The following TG variants were observed in gnomAD, a reference collection of about 807,000 sequenced individuals.
TG encodes the protein thyroglobulin.
A neutral mutation model predicts 324.7 loss-of-function variants in TG; 270 were observed. That is an observed-to-expected ratio of 0.83 (90% confidence interval 0.75 to 0.92). The LOEUF (loss-of-function observed/expected upper bound fraction) is 0.92, where lower values mean the gene tolerates loss of function less well. TG is among the 40% of genes least tolerant of loss of function. TG has a pLI of 0.00. For synonymous variants in TG, 1,401 were observed against 1,327.0 expected (o/e 1.06, Z -1.21); for missense variants, 3,591 against 3,456.4 (o/e 1.04, Z -0.98).
intron 35 of TG, 62 bp from the exon 36 acceptor site, chr8:133,011,839 G>T: frequency 6.2e-7 from 1 of 1,612,180 alleles, no homozygotes; most frequent in South Asian, 1.1e-5. Context: ...GGTAATACAC[G>T]GCTGTCTTTG....
intron 40 of TG, among the ~76,000 whole-genome samples, chr8:133,024,102 T>C (rs1027077334): frequency 6.6e-6 from 1 of 152,252 alleles, no homozygotes; most frequent in African/African-American, 2.4e-5. Flanking sequence ...ATTTCACAGA[T>C]GGGTCAGCGG....
intron 41 of TG, among the ~76,000 whole-genome samples, chr8:133,080,845 T>C (rs1033245946): frequency 1.3e-5 from 2 of 152,214 alleles, no homozygotes; most frequent in African/African-American, 4.8e-5. Context: ...GCAGGTCCCT[T>C]CAGGCCCAAC....
intron 45 of TG, among the ~76,000 whole-genome samples, chr8:133,124,130 G>A (rs1438005235): frequency 6.6e-6 from 1 of 152,254 alleles, no homozygotes; most frequent in African/African-American, 2.4e-5. Context: ...GGACATGGAA[G>A]CCTCTCATCT....
rs1279432490 is a variant in TG, at chr8:133,094,971, C to CCT, written c.7240-73_7240-72insCT. The CCT allele has an allele frequency of 1.8e-3, 2,896 of 1,600,590 alleles. 4 individuals carry two copies. The highest frequency in any genetic ancestry group is 3.4e-3 in the South Asian group (306 of 90,554). Reference sequence around the variant, plus strand: ...GGAAGGATGCAGAACCCTGATGTGGCACTGAGGACTCCAGGTGAGCAGGGG... The same window carrying CCT: ...GGAAGGATGCAGAACCCTGATGTGGCCTACTGAGGACTCCAGGTGAGCAGGGG... On this transcript the variant is annotated intron_variant, in intron 41 of 47. Coordinates refer to ENST00000220616, the MANE Select transcript of TG (RefSeq NM_003235.5).
At chr8:132,873,828 C>G (rs1418815957) in intron 5 of TG, among the ~76,000 whole-genome samples, 1 of 152,108 alleles carries the variant, frequency 6.6e-6, no homozygotes, top group Non-Finnish European at 1.5e-5. Context: ...GCATAAAGTG[C>G]ATGGTTATCC....
At chr8:132,997,419 G>A (rs541660419) in intron 35 of TG, among the ~76,000 whole-genome samples, 4 of 152,296 alleles carry the variant, frequency 2.6e-5, no homozygotes, top group East Asian at 1.9e-4. Context: ...TCATTAGCAT[G>A]TCAGTGGTAT....
chr8:132,971,995 G>A (rs774713609), intron 33 of TG, 122 bp downstream of exon 33: 9 of 787,176 alleles, frequency 1.1e-5, no homozygotes, highest in Non-Finnish European at 1.8e-5. Context: ...ATAAGGAAAT[G>A]GGGGCTTGGA....
chr8:132,897,597 G>A (rs1563925191), intron 11 of TG, 52 bp from the exon 12 acceptor site: 7 of 1,612,692 alleles, frequency 4.3e-6, no homozygotes, highest in South Asian at 3.3e-5. Context: ...CAGCTACAGA[G>A]CCCACACAGA....
chr8:133,034,991 C>T lies in TG; in HGVS notation c.7239+4968C>T, dbSNP rs193195502. On this transcript the variant is annotated intron_variant, in intron 41 of 47. Transcript: ENST00000220616. ...TTTTTATCACATTAGTCTACTTAAACAATGTTTTGCTTTTTAAAATCTTCT... is the reference window on the plus strand; with the variant it reads ...TTTTTATCACATTAGTCTACTTAAATAATGTTTTGCTTTTTAAAATCTTCT... Among the ~76,000 whole-genome samples, 3 of 152,330 alleles carry T rather than the reference C, an allele frequency of 2.0e-5. No homozygotes were observed. In the East Asian group the frequency reaches 5.8e-4, roughly 29 times the overall value.
At chr8:133,038,926 G>T (rs183334795) in intron 41 of TG, among the ~76,000 whole-genome samples, 7 of 152,134 alleles carry the variant, frequency 4.6e-5, no homozygotes, top group Non-Finnish European at 1.0e-4. Context: ...TGCCCAGGCT[G>T]GAGTGCAGTG....
At chr8:132,949,649 C>T (rs1036888251) in intron 27 of TG, among the ~76,000 whole-genome samples, 1 of 152,156 alleles carries the variant, frequency 6.6e-6, no homozygotes, top group Non-Finnish European at 1.5e-5. Flanking sequence ...GTGCAGGGGA[C>T]CATGGGCTCC....
At chr8:132,958,365 A>G (rs761912431) in intron 27 of TG, among the ~76,000 whole-genome samples, 6 of 8,702 alleles carry the variant, frequency 6.9e-4, no homozygotes, top group South Asian at 5.9e-3. Context: ...CTGTCTATCT[A>G]TCTATCTATC....
In TG at chr8:132,966,569, C is replaced by A; in HGVS notation, c.5558C>A (p.Thr1853Lys). The A allele has an allele frequency of 6.2e-7, 1 of 1,614,018 alleles. No homozygotes were observed. The highest frequency in any genetic ancestry group is 8.5e-7 in the Non-Finnish European group (1 of 1,180,002). ...CCTGCTTCTTTTTCAGGTTTGACAA[C>A]AGAACTTTTCTCCCCTGTGGACCTC... ...PASPTEAGLT[T>K]ELFSPVDLNQ... The change falls in exon 30 of 48, where the codon ACA becomes AAA. Residue 1853 changes from threonine to lysine, a missense_variant. By Grantham distance (78) the Thr-to-Lys change is moderately conservative. Transcript: ENST00000220616.
chr8:132,935,404 A>G (rs879772044), intron 24 of TG, among the ~76,000 whole-genome samples: 3 of 151,944 alleles, frequency 2.0e-5, no homozygotes, highest in Non-Finnish European at 2.9e-5. Flanking sequence ...TCGGCCTCCC[A>G]AAGTGCTGGG....
At chr8:133,054,404 C>G (rs1175549861) in intron 41 of TG, among the ~76,000 whole-genome samples, 1 of 152,206 alleles carries the variant, frequency 6.6e-6, no homozygotes, top group Non-Finnish European at 1.5e-5. Context: ...ACCTCCGCCA[C>G]TACACAGTGA....
At chr8:133,102,946 C>G in intron 43 of TG, 1 of 258,374 alleles carries the variant, frequency 3.9e-6, no homozygotes, top group Non-Finnish European at 7.8e-6. Context: ...AGTTGGAAAG[C>G]AGCACCTGGC....
intron 27 of TG, among the ~76,000 whole-genome samples, chr8:132,954,681 G>T (rs1021836139): frequency 1.3e-5 from 2 of 152,146 alleles, no homozygotes; most frequent in African/African-American, 4.8e-5. Flanking sequence ...AGAGCCCTGG[G>T]CATAGAACAG....
intron 2 of TG, 58 bp downstream of exon 2, chr8:132,868,281 G>C: frequency 6.7e-7 from 1 of 1,497,078 alleles, no homozygotes; most frequent in Admixed American, 1.7e-5. Flanking sequence ...AAAGCATCTT[G>C]TGCCTTCCCC....
Position 132,961,038 on chromosome 8 carries a change from C to G in TG, c.5432C>G (p.Thr1811Ser). Residue 1811 changes from threonine to serine, a missense_variant, in exon 28 of 48, where the codon ACC (threonine) becomes AGC (serine). Thr to Ser is a moderately conservative substitution (Grantham distance 58, BLOSUM62 1). Coordinates refer to ENST00000220616, the MANE Select transcript of TG (RefSeq NM_003235.5). ...ACACCCTTAGAAGGAACTCAAGACA[C>G]CTTTACCAATTTTCAGCAGGTTTAT... ...SLTPLEGTQD[T>S]FTNFQQVYLW... The G allele has an allele frequency of 6.2e-7, 1 of 1,614,068 alleles. No individual in the cohort carries two copies.
Sources: gnomAD v4.1 joint callset for allele counts (sites outside exome capture counted in the v4.1 genomes callset) on GRCh38, gnomAD v4.1.1 for gene constraint, MANE v1.5 for transcripts, NCBI Gene and HGNC (gene_info 2026-07-23, HGNC 2026-07-21) for gene names.